MYH11: variants seen among roughly 807,000 people sequenced by gnomAD.
MYH11 encodes the protein myosin heavy chain 11.
MYH11 carries 80 observed loss-of-function variants against 246.6 expected under a neutral mutation model. The ratio of observed to expected loss-of-function variants is 0.32; its 90% CI spans 0.27 to 0.39. The LOEUF (loss-of-function observed/expected upper bound fraction) is 0.39. MYH11 is among the 10% of genes least tolerant of loss of function. MYH11 has a pLI of 1.00. For missense variants in MYH11, 2,158 were observed against 2,546.8 expected, an observed-to-expected ratio of 0.85 and a Z score of 3.29; for synonymous variants, 1,071 against 1,015.5, an observed-to-expected ratio of 1.05 and a Z score of -1.04.
chr16:15,801,048 A>G (rs1260364608), intron 3 of MYH11, among the ~76,000 whole-genome samples: 1 of 151,810 alleles, frequency 6.6e-6, no homozygotes, highest in Non-Finnish European at 1.5e-5. Flanking sequence ...TCCACTAAAA[A>G]TACAAAAATT....
intron 40 of MYH11, among the ~76,000 whole-genome samples, chr16:15,710,731 T>C (rs1215710686): frequency 2.6e-5 from 4 of 151,734 alleles, no homozygotes; most frequent in African/African-American, 7.3e-5. Flanking sequence ...GGCTGGAGTA[T>C]AGAGGCTTGA....
At position 15,770,999 on chromosome 16, in the gene MYH11, C is replaced by CT. The variant is rs199688463; in HGVS notation, c.1033+569dup. On this transcript the variant is annotated intron_variant, in intron 9 of 40. Coordinates refer to ENST00000300036, the MANE Select transcript of MYH11 (RefSeq NM_002474.3). ...TGTACCTGAAGCTTGAATTCCTGAA[C>CT]TTTTTTTTTTTTTGAGATGGAGTCT... 6.8e-3 allele frequency among the ~76,000 whole-genome samples: 987 copies of CT among 146,112 alleles called. 7 individuals are homozygous for CT. Among genetic ancestry groups the CT allele is most frequent in the African/African-American group, 0.019 (771 of 39,812 alleles).
At chr16:15,745,387 T>C (rs2041389772) in intron 19 of MYH11, 150 bp from the exon 20 acceptor site, 2 of 614,898 alleles carry the variant, frequency 3.3e-6, no homozygotes, top group East Asian at 5.6e-5. Context: ...GACACATGTG[T>C]TGTCTGGCTG....
intron 2 of MYH11, among the ~76,000 whole-genome samples, chr16:15,834,080 T>G (rs1300981946): frequency 6.6e-6 from 1 of 152,174 alleles, no homozygotes; most frequent in Non-Finnish European, 1.5e-5. Flanking sequence ...CCCTTTTTTT[T>G]TCTGATTTCT....
chr16:15,831,125 T>C (rs1478108695), intron 2 of MYH11, among the ~76,000 whole-genome samples: 1 of 152,058 alleles, frequency 6.6e-6, no homozygotes, highest in African/African-American at 2.4e-5. Context: ...TGAGCCAAGA[T>C]CATGCCACTT....
At chr16:15,706,552 A>C (rs1047538744) in intron 40 of MYH11, among the ~76,000 whole-genome samples, 1 of 152,196 alleles carries the variant, frequency 6.6e-6, no homozygotes, top group Admixed American at 6.5e-5. Flanking sequence ...TACTAAATAT[A>C]CTAAATTAGC....
chr16:15,827,388 C>G (rs1567203441), intron 2 of MYH11, among the ~76,000 whole-genome samples: 1 of 152,132 alleles, frequency 6.6e-6, no homozygotes, highest in African/African-American at 2.4e-5. Flanking sequence ...GGGACATGGG[C>G]AGAAAAACAG....
chr16:15,827,444 G>A lies in MYH11; in HGVS notation c.346-4033C>T, dbSNP rs550263848. ...GAACTATAAGCAGCTTGGTATAAGC[G>A]GCTCCATCGGACCGAAATGGAGAAG... On this transcript the variant is annotated intron_variant, in intron 2 of 40. Transcript: ENST00000300036. 1.1e-4 allele frequency among the ~76,000 whole-genome samples: 17 copies of A among 152,276 alleles called. No homozygotes were observed. The East Asian group carries it at 2.7e-3, about 24-fold the overall frequency.
At chr16:15,710,681 GTT>G (rs796312900) in intron 40 of MYH11, among the ~76,000 whole-genome samples, 1 of 150,914 alleles carries the variant, frequency 6.6e-6, no homozygotes, top group Non-Finnish European at 1.5e-5. Flanking sequence ...GAGGGTTTTT[GTT>G]TTTTGTTTTT....
chr16:15,797,809 A>G (rs1031169939), intron 4 of MYH11, among the ~76,000 whole-genome samples: 9 of 151,516 alleles, frequency 5.9e-5, no homozygotes, highest in African/African-American at 2.2e-4. Context: ...TCTAGTTTCA[A>G]CTCTCATACT....
chr16:15,733,067 A>G lies in MYH11; in HGVS notation c.3507-359T>C, dbSNP rs530514915. 3.8e-4 allele frequency: 132 copies of G among 350,610 alleles called. 1 individual carries two copies. Among genetic ancestry groups the G allele is most frequent in the African/African-American group, 2.2e-3 (105 of 48,072 alleles). The allele number at this position is 350,610 out of a possible 1,614,324, so 21.7% of individuals were successfully genotyped here. On this transcript the variant is annotated intron_variant, in intron 26 of 40. Coordinates refer to ENST00000300036, the MANE Select transcript of MYH11 (RefSeq NM_002474.3). ...GCCCTGAGCTAAGTTTTTTATATACATCATCTAATCCTCAGAGCAACCCAA... is the reference window on the plus strand; with the variant it reads ...GCCCTGAGCTAAGTTTTTTATATACGTCATCTAATCCTCAGAGCAACCCAA...
chr16:15,732,674 T>TA lies in MYH11; in HGVS notation c.3540_3541insT (p.Lys1181Ter). ...GACCGCGTCTCTTCATCCAGGGCCT[T>TA]CTTCAGCACCGTCACCTCCTGCTCC... On this transcript the variant is annotated frameshift_variant, in exon 27 of 41. Transcript: ENST00000300036. LOFTEE classifies it high-confidence loss of function. The TA allele has an allele frequency of 6.2e-7, 1 of 1,614,250 alleles. No individual in the cohort carries two copies. Among genetic ancestry groups the TA allele is most frequent in the Non-Finnish European group, 8.5e-7 (1 of 1,180,050 alleles).
At chr16:15,842,762 CAAAAAAAAAAAAAAAAA>C (rs757920488) in intron 1 of MYH11, among the ~76,000 whole-genome samples, 2 of 19,642 alleles carry the variant, frequency 1.0e-4, no homozygotes, top group African/African-American at 2.2e-4. Context: ...AGACTTCATC[CAAAAAAAAAAAAAAAAA>C]AAAAAAAAAA....
At chr16:15,812,163 G>A (rs1436078585) in intron 3 of MYH11, among the ~76,000 whole-genome samples, 2 of 152,088 alleles carry the variant, frequency 1.3e-5, no homozygotes, top group African/African-American at 2.4e-5. Flanking sequence ...GACCAGCAGG[G>A]CTCCGGCTTT....
intron 2 of MYH11, among the ~76,000 whole-genome samples, chr16:15,831,624 T>C (rs902045710): frequency 3.3e-5 from 5 of 152,096 alleles, no homozygotes; most frequent in Non-Finnish European, 7.3e-5. Flanking sequence ...TGGAGGAGGT[T>C]CTTTGAAGCA....
At chr16:15,763,760 C>CCCCCCCACAA in intron 10 of MYH11, 36 bp downstream of exon 10, 1 of 1,192,092 alleles carries the variant, frequency 8.4e-7, no homozygotes, top group Non-Finnish European at 1.3e-6. Context: ...CCCCCAACCC[C>CCCCCCCACAA]AAAGTCATTG....
rs780264696 is a variant in MYH11, at chr16:15,753,437, G to A, written c.1821C>T (p.Leu607=). 6 of 1,614,152 alleles carry A rather than the reference G, an allele frequency of 3.7e-6. No individual in the cohort carries two copies. In the South Asian group the frequency reaches 6.6e-5, roughly 18 times the overall value. The stretch of plus-strand genomic sequence containing the variant: ...CCACAAACTTGTCGGAGGAGGCATT[G>A]AGCAGGGAAGTCACGTTGTCATTCA... ...DPLNDNVTSL[L]NASSDKFVAD... is the part of the protein sequence containing the mutation. Residue 607 remains leucine, a synonymous_variant, in exon 15 of 41, where the codon CTC becomes CTT. Transcript: ENST00000300036.
At chr16:15,738,921 C>T (rs1167762096) in intron 23 of MYH11, among the ~76,000 whole-genome samples, 1 of 152,188 alleles carries the variant, frequency 6.6e-6, no homozygotes, top group East Asian at 1.9e-4. Flanking sequence ...AAGGTACCCT[C>T]CTTCCATTCC....
chr16:15,759,078 A>G (rs2151276301), intron 12 of MYH11, among the ~76,000 whole-genome samples: 1 of 152,136 alleles, frequency 6.6e-6, no homozygotes, highest in African/African-American at 2.4e-5. Context: ...GAGGTATTGC[A>G]AGCTCCTGCA....
Sources: gnomAD v4.1 joint callset for allele counts (sites outside exome capture counted in the v4.1 genomes callset) on GRCh38, gnomAD v4.1.1 for gene constraint, MANE v1.5 for transcripts, NCBI Gene and HGNC (gene_info 2026-07-23, HGNC 2026-07-21) for gene names.